AKR1B15: variants seen among roughly 807,000 people sequenced by gnomAD.
The protein encoded by AKR1B15 is estradiol 17-beta-dehydrogenase AKR1B15.
In AKR1B15, 49 loss-of-function variants were observed where a neutral mutation model predicts 38.5. The ratio of observed to expected loss-of-function variants is 1.27; its 90% CI spans 1.01 to 1.62. The LOEUF (loss-of-function observed/expected upper bound fraction) is 1.62. Ranked by LOEUF, AKR1B15 falls within the 40% of genes most tolerant of loss-of-function variation. The pLI is 0.00. For missense variants in AKR1B15, 411 were observed against 381.6 expected (o/e 1.08, Z -0.64); for synonymous variants, 137 against 135.5 (o/e 1.01, Z -0.08).
chr7:134,558,277 A>G (rs1332321238), intron 2 of AKR1B15, among the ~76,000 whole-genome samples: 1 of 152,250 alleles, frequency 6.6e-6, no homozygotes, highest in Non-Finnish European at 1.5e-5. Flanking sequence ...GACCATTTCA[A>G]AGTGTTCAGA....
chr7:134,565,558 A>G, intron 3 of AKR1B15: 2 of 1,613,594 alleles, frequency 1.2e-6, no homozygotes, highest in Non-Finnish European at 1.7e-6. Context: ...TAAATATGCA[A>G]ATCTTTGCAC....
chr7:134,573,477 A>C, intron 6 of AKR1B15: 2 of 985,462 alleles, frequency 2.0e-6, no homozygotes, highest in Non-Finnish European at 2.4e-6. Context: ...TTTGAAAGGC[A>C]TGAAAAGATA....
chr7:134,563,640 G>A (rs1794470344), intron 2 of AKR1B15, among the ~76,000 whole-genome samples: 1 of 152,194 alleles, frequency 6.6e-6, no homozygotes, highest in Admixed American at 6.5e-5. Context: ...TTAGCTAGCA[G>A]ATTGTAAAGT....
chr7:134,571,847 C>G (rs1228516165), intron 6 of AKR1B15, among the ~76,000 whole-genome samples, 166 bp downstream of exon 6: 5 of 152,138 alleles, frequency 3.3e-5, no homozygotes, highest in African/African-American at 7.2e-5. Flanking sequence ...TTGGGTGCAT[C>G]TGATACTATT....
chr7:134,555,964 G>A (rs1794179662), intron 1 of AKR1B15, among the ~76,000 whole-genome samples: 1 of 152,106 alleles, frequency 6.6e-6, no homozygotes. Context: ...CATAGCTTGT[G>A]CTTCCCATCC....
chr7:134,566,722 C>T (rs1006611779), intron 3 of AKR1B15, among the ~76,000 whole-genome samples: 2 of 152,138 alleles, frequency 1.3e-5, no homozygotes, highest in African/African-American at 4.8e-5. Flanking sequence ...TGCACACTGA[C>T]TTTTTTCCCT....
At position 134,571,595 on chromosome 7, in the gene AKR1B15, T is replaced by C; in HGVS notation, c.436-9T>C. 6.2e-7 allele frequency: 1 copy of C among 1,609,852 alleles called. No individual in the cohort carries two copies. The highest frequency in any genetic ancestry group is 1.7e-5 in the Admixed American group (1 of 59,828). On this transcript the variant is annotated splice_polypyrimidine_tract_variant and intron_variant, in intron 5 of 11. Coordinates refer to ENST00000457545, the MANE Select transcript of AKR1B15 (RefSeq NM_001080538.3). ...AGATTCCAGTAAACTTTTCATTCTG[T>C]ATTTACAGACTGGGGATGACTTTTT...
At chr7:134,565,999 G>C (rs924910257) in intron 3 of AKR1B15, among the ~76,000 whole-genome samples, 2 of 152,160 alleles carry the variant, frequency 1.3e-5, no homozygotes, top group Non-Finnish European at 2.9e-5. Context: ...GAGCTTGTTA[G>C]ACATGCAGAA....
At chr7:134,572,769 T>C (rs1382443246) in intron 6 of AKR1B15, among the ~76,000 whole-genome samples, 1 of 152,232 alleles carries the variant, frequency 6.6e-6, no homozygotes, top group African/African-American at 2.4e-5. Flanking sequence ...TTTTTTATTA[T>C]ACCATTATGT....
intron 1 of AKR1B15, among the ~76,000 whole-genome samples, chr7:134,551,795 T>C (rs1793988394): frequency 6.6e-6 from 1 of 152,176 alleles, no homozygotes; most frequent in African/African-American, 2.4e-5. Context: ...ACCAATGTGC[T>C]TCTTGCAAGC....
At chr7:134,566,312 G>T (rs1048431015) in intron 3 of AKR1B15, among the ~76,000 whole-genome samples, 1 of 152,020 alleles carries the variant, frequency 6.6e-6, no homozygotes, top group South Asian at 2.1e-4. Flanking sequence ...GAAAGAAAGA[G>T]AAAAAATGCA....
chr7:134,568,048 TG>T, intron 3 of AKR1B15, 109 bp from the exon 4 acceptor site: 1 of 1,337,496 alleles, frequency 7.5e-7, no homozygotes, highest in Non-Finnish European at 1.0e-6. Flanking sequence ...ACTCAGGAGT[TG>T]GGAGGATTGT....
chr7:134,562,835 TTTCTTTCTTTCTTTCTTTCTTTC>T (rs1562946918), intron 2 of AKR1B15, among the ~76,000 whole-genome samples: 1 of 25,300 alleles, frequency 4.0e-5, no homozygotes, highest in Non-Finnish European at 1.0e-4. Flanking sequence ...TTCCTTTCTC[TTTCTTTCTTTCTTTCTTTCTTTC>T]TTTCTTTCTT....
In AKR1B15 at chr7:134,579,503, G is replaced by C; in HGVS notation, c.993-4G>C. The C allele has an allele frequency of 6.3e-7, 1 of 1,583,744 alleles. No homozygotes were observed. Among genetic ancestry groups the C allele is most frequent in the Non-Finnish European group, 8.6e-7 (1 of 1,166,302 alleles). On this transcript the variant is annotated splice_region_variant and splice_polypyrimidine_tract_variant and intron_variant, in intron 11 of 11. Coordinates refer to ENST00000457545, the MANE Select transcript of AKR1B15 (RefSeq NM_001080538.3). ...TTTCTTTTTTTTTTTCTCTCTCTCT[G>C]TAGATTCTCTCATTTGGAGGACTTT...
Position 134,568,289 on chromosome 7 carries a change from G to A in AKR1B15, c.282G>A (p.Lys94=). The change falls in exon 4 of 12, where the codon AAG becomes AAA. Residue 94 remains lysine (K), a synonymous_variant. Coordinates refer to ENST00000457545, the MANE Select transcript of AKR1B15 (RefSeq NM_001080538.3). ...CCATCCAAGAGAAGATCCAAGAGAA[G>A]GCTGTGATGCGGGAGGACCTGTTCA... The part of the protein sequence containing the change: ...GEAIQEKIQE[K]AVMREDLFIV... 1.2e-6 allele frequency: 2 copies of A among 1,614,134 alleles called. No homozygotes were observed. Among genetic ancestry groups the A allele is most frequent in the Non-Finnish European group, 1.7e-6 (2 of 1,179,992 alleles).
rs1562947150 is a variant in AKR1B15, at chr7:134,562,895, T to TTTCC, written c.-22-1700_-22-1699insCTTC. ...CTTTCTTTCTTTCTTTCTTTCCTTC[T>TTTCC]TTCTTCCTTCCTTCTTTCCTTCCTT... is the stretch of plus-strand genomic sequence containing the variant. On this transcript the variant is annotated intron_variant, in intron 2 of 11. Transcript: ENST00000457545. Among the ~76,000 whole-genome samples, 388 of 140,744 alleles carry TTTCC rather than the reference T, an allele frequency of 2.8e-3. 2 individuals carry two copies. Among genetic ancestry groups the TTTCC allele is most frequent in the African/African-American group, 0.011 (373 of 35,182 alleles). The allele number at this position is 140,744 out of a possible 152,430, so 92.3% of individuals were successfully genotyped here.
At position 134,555,186 on chromosome 7, in the gene AKR1B15, G is replaced by A. The variant is rs1003327555; in HGVS notation, c.-146-1550G>A. ...TTACAGTACCTGCAGTCTCTCCAAC[G>A]GGTACAAGACATCATCCAGCTGCTT... On this transcript the variant is annotated intron_variant, in intron 1 of 11. Transcript: ENST00000457545. 7.2e-5 allele frequency among the ~76,000 whole-genome samples: 11 copies of A among 152,144 alleles called. 1 individual carries two copies. The highest frequency in any genetic ancestry group is 2.4e-4 in the African/African-American group (10 of 41,426).
At chr7:134,566,434 G>A (rs1329551042) in intron 3 of AKR1B15, among the ~76,000 whole-genome samples, 2 of 152,188 alleles carry the variant, frequency 1.3e-5, no homozygotes, top group Non-Finnish European at 2.9e-5. Flanking sequence ...CAGAGAGCCT[G>A]GGCTGGGAGT....
intron 2 of AKR1B15, among the ~76,000 whole-genome samples, 188 bp from the exon 3 acceptor site, chr7:134,564,410 C>T (rs756249757): frequency 3.3e-5 from 5 of 152,112 alleles, no homozygotes; most frequent in East Asian, 1.9e-4. Context: ...AGGGATAATA[C>T]GAGATGCTGC....
Sources: gnomAD v4.1 joint callset for allele counts (sites outside exome capture counted in the v4.1 genomes callset) on GRCh38, gnomAD v4.1.1 for gene constraint, MANE v1.5 for transcripts, NCBI Gene and HGNC (gene_info 2026-07-23, HGNC 2026-07-21) for gene names.